The following DOCK1 variants were observed in gnomAD, a reference collection of about 807,000 sequenced individuals.
The protein encoded by DOCK1 is dedicator of cytokinesis 1.
Under a neutral mutation model 262.7 loss-of-function variants are expected in DOCK1, and 138 were observed. That is an observed-to-expected ratio of 0.53 (90% CI 0.46 to 0.61). The LOEUF is 0.61. DOCK1 is among the 20% of genes least tolerant of loss of function. The pLI, the probability that DOCK1 is intolerant of heterozygous loss-of-function variation, is 0.00. For missense variants in DOCK1, 1,908 were observed against 2,370.7 expected (o/e 0.80, Z 4.05); for synonymous variants, 866 against 867.4 (o/e 1.00, Z 0.03).
chr10:127,080,704 C>T (rs2046850657), intron 23 of DOCK1, among the ~76,000 whole-genome samples: 1 of 152,174 alleles, frequency 6.6e-6, no homozygotes, highest in Non-Finnish European at 1.5e-5. Context: ...GAGTCTGCCT[C>T]TCAGCCTGTC....
At chr10:127,041,705 C>T (rs948747322) in intron 19 of DOCK1, among the ~76,000 whole-genome samples, 4 of 152,210 alleles carry the variant, frequency 2.6e-5, no homozygotes, top group African/African-American at 4.8e-5. Context: ...AATTTCTCTG[C>T]GTTCTTGCCC....
At chr10:127,038,962 C>T (rs1456364605) in intron 19 of DOCK1, among the ~76,000 whole-genome samples, 3 of 152,180 alleles carry the variant, frequency 2.0e-5, no homozygotes, top group Non-Finnish European at 4.4e-5. Flanking sequence ...GTTCTATAAG[C>T]ATAGACTCTC....
intron 4 of DOCK1, among the ~76,000 whole-genome samples, chr10:126,982,739 TGAA>T (rs1200537959): frequency 6.6e-6 from 1 of 152,114 alleles, no homozygotes; most frequent in Non-Finnish European, 1.5e-5. Context: ...ATACTTAAAA[TGAA>T]GAAAATAATT....
intron 23 of DOCK1, among the ~76,000 whole-genome samples, chr10:127,064,554 G>C (rs2045735777): frequency 6.6e-6 from 1 of 152,160 alleles, no homozygotes; most frequent in Admixed American, 6.5e-5. Context: ...TTTATGTTAA[G>C]TCAAATGTCC....
intron 28 of DOCK1, among the ~76,000 whole-genome samples, chr10:127,250,664 C>G (rs942654281): frequency 2.0e-5 from 3 of 151,532 alleles, no homozygotes; most frequent in African/African-American, 7.3e-5. Context: ...GGTTGGGGGG[C>G]ACCTGTAATC....
chr10:127,336,512 A>G (rs949408732), intron 29 of DOCK1, among the ~76,000 whole-genome samples: 3 of 150,288 alleles, frequency 2.0e-5, no homozygotes, highest in Admixed American at 2.0e-4. Flanking sequence ...CAGCCTTCAC[A>G]TTATTTTAGC....
chr10:127,230,671 A>C (rs1564920513), intron 27 of DOCK1, among the ~76,000 whole-genome samples: 1 of 152,050 alleles, frequency 6.6e-6, no homozygotes, highest in Non-Finnish European at 1.5e-5. Flanking sequence ...CTATAGCTTT[A>C]TATTAGATCT....
chr10:127,026,793 C>G (rs1252160210), intron 16 of DOCK1, among the ~76,000 whole-genome samples: 5 of 152,138 alleles, frequency 3.3e-5, no homozygotes, highest in African/African-American at 1.2e-4. Context: ...AATCTTGAAC[C>G]CTTTTTGTCT....
intron 29 of DOCK1, among the ~76,000 whole-genome samples, chr10:127,302,322 G>C (rs1173981715): frequency 2.0e-5 from 3 of 152,106 alleles, no homozygotes; most frequent in African/African-American, 7.2e-5. Flanking sequence ...TGCAGACCAG[G>C]TGGGACTGGA....
chr10:126,995,063 C>T lies in DOCK1; in HGVS notation c.474-1685C>T, dbSNP rs958844795. Reference sequence around the variant, plus strand: ...AGACGGGGTCGTGGCTGGGCAGAGGCGCTCTTCACATCTCAGACGGGGCGG... The same window carrying T: ...AGACGGGGTCGTGGCTGGGCAGAGGTGCTCTTCACATCTCAGACGGGGCGG... On this transcript the variant is annotated intron_variant, in intron 6 of 51. Coordinates refer to ENST00000623213, the MANE Select transcript of DOCK1 (RefSeq NM_001290223.2). This position sits in a 1 kb window ranked among gnomAD's most constrained non-coding sequence, Gnocchi z 5.8. 4.0e-5 allele frequency among the ~76,000 whole-genome samples: 6 copies of T among 150,070 alleles called. No individual in the cohort carries two copies. Among genetic ancestry groups the T allele is most frequent in the East Asian group, 2.0e-4 (1 of 5,052 alleles).
chr10:126,999,488 T>C, intron 9 of DOCK1, 53 bp downstream of exon 9: 4 of 1,497,752 alleles, frequency 2.7e-6, no homozygotes, highest in Non-Finnish European at 3.7e-6. Context: ...TAAGGACTAC[T>C]TTTAGCCATT....
At chr10:127,324,013 T>A (rs1048063878) in intron 29 of DOCK1, among the ~76,000 whole-genome samples, 1 of 152,206 alleles carries the variant, frequency 6.6e-6, no homozygotes, top group African/African-American at 2.4e-5. Flanking sequence ...TGGTTCTTGG[T>A]TCTTGAGGAG....
chr10:127,047,131 GTGT>G (rs140601918), intron 21 of DOCK1, among the ~76,000 whole-genome samples: 1,842 of 152,292 alleles, frequency 0.012, 24 homozygotes, highest in African/African-American at 0.033. Flanking sequence ...AAATGACCGT[GTGT>G]TGTTGTTAAT....
chr10:127,171,151 C>T (rs1029995959), intron 27 of DOCK1, among the ~76,000 whole-genome samples: 1 of 152,130 alleles, frequency 6.6e-6, no homozygotes, highest in African/African-American at 2.4e-5. Flanking sequence ...CTGTCTCAGC[C>T]ATAAACATTC....
chr10:127,156,796 A>G (rs1190880046), intron 27 of DOCK1, among the ~76,000 whole-genome samples: 1 of 151,750 alleles, frequency 6.6e-6, no homozygotes, highest in African/African-American at 2.4e-5. Flanking sequence ...TTGAACTCCC[A>G]ACCTCAAGTG....
At chr10:127,420,532 G>C (rs11018002) in intron 46 of DOCK1, among the ~76,000 whole-genome samples, 7,170 of 152,188 alleles carry the variant, frequency 0.047, 180 homozygotes, top group Non-Finnish European at 0.069. Flanking sequence ...ACTGTGTAAA[G>C]AGAGTTGAGG....
At chr10:126,966,375 T>A in intron 1 of DOCK1, among the ~76,000 whole-genome samples, 1 of 152,352 alleles carries the variant, frequency 6.6e-6, no homozygotes, top group Non-Finnish European at 1.5e-5. Flanking sequence ...GTTGCAGATG[T>A]GTCTCTGATA....
intron 25 of DOCK1, among the ~76,000 whole-genome samples, chr10:127,112,482 T>A: frequency 6.6e-6 from 1 of 152,218 alleles, no homozygotes; most frequent in East Asian, 1.9e-4. Flanking sequence ...CTAAGCCTTT[T>A]ATCTTAGACA....
At chr10:127,425,791 C>A in intron 46 of DOCK1, 83 bp from the exon 47 acceptor site, 3 of 1,563,934 alleles carry the variant, frequency 1.9e-6, no homozygotes, top group Non-Finnish European at 2.6e-6. Flanking sequence ...ATCGTTTTGC[C>A]AGTTCCCCTT....
Sources: allele counts gnomAD v4.1 joint callset (sites outside exome capture counted in the v4.1 genomes callset), GRCh38; gene constraint gnomAD v4.1.1; non-coding constraint Gnocchi (gnomAD v3.1); transcripts MANE v1.5; gene names NCBI Gene and HGNC (gene_info 2026-07-23, HGNC 2026-07-21).